CHL1: variants seen among roughly 807,000 people sequenced by gnomAD.
CHL1 encodes the protein cell adhesion molecule L1 like.
CHL1 carries 96 observed loss-of-function variants against 141.9 expected under a neutral mutation model. The observed-to-expected ratio is 0.68, with a 90% confidence interval of 0.57 to 0.80. The LOEUF is 0.80. Ranked by LOEUF, CHL1 falls within the 30% of genes least tolerant of loss-of-function variation. The pLI, the probability that CHL1 is intolerant of heterozygous loss-of-function variation, is 0.00. For missense variants in CHL1, 1,820 were observed against 1,457.2 expected (o/e 1.25, Z -4.05); for synonymous variants, 613 against 502.2 (o/e 1.22, Z -2.95).
At chr3:316,268 T>C (rs1306778406) in intron 2 of CHL1, among the ~76,000 whole-genome samples, 1 of 151,994 alleles carries the variant, frequency 6.6e-6, no homozygotes, top group Non-Finnish European at 1.5e-5. Context: ...GGGGCTGCAT[T>C]TCATTGAAAA....
chr3:328,544 TA>T, intron 5 of CHL1, 190 bp downstream of exon 5: 1 of 453,930 alleles, frequency 2.2e-6, no homozygotes, highest in Non-Finnish European at 3.9e-6. Context: ...GAAAACAACA[TA>T]ATTTGACTCT....
At chr3:369,880 G>T (rs1705402932) in intron 15 of CHL1, among the ~76,000 whole-genome samples, 3 of 152,180 alleles carry the variant, frequency 2.0e-5, no homozygotes, top group South Asian at 4.1e-4. Flanking sequence ...CTTTGGTTCT[G>T]TTTATGTGAT....
intron 2 of CHL1, among the ~76,000 whole-genome samples, chr3:292,648 G>A (rs943547212): frequency 1.3e-5 from 2 of 152,172 alleles, no homozygotes; most frequent in African/African-American, 4.8e-5. Context: ...AAGAAAAGAG[G>A]TTAGTTGGCT....
At chr3:399,677 G>A (rs960365870) in intron 26 of CHL1, among the ~76,000 whole-genome samples, 1 of 152,064 alleles carries the variant, frequency 6.6e-6, no homozygotes, top group Admixed American at 6.6e-5. Flanking sequence ...CTCTAACAAG[G>A]TTGATAACAC....
chr3:342,578 C>T (rs114911084), intron 7 of CHL1, among the ~76,000 whole-genome samples: 227 of 152,196 alleles, frequency 1.5e-3, no homozygotes, highest in African/African-American at 4.9e-3. Flanking sequence ...GAGGAAGAAC[C>T]GTAAGATTCA....
chr3:312,706 C>T (rs1293384953), intron 2 of CHL1, among the ~76,000 whole-genome samples: 2 of 152,138 alleles, frequency 1.3e-5, no homozygotes, highest in Admixed American at 6.6e-5. Context: ...ACATCCACTC[C>T]ATCATGAAAA....
In CHL1 at chr3:363,422, A is replaced by G. The variant is rs373254077; in HGVS notation, c.1585+39A>G. The G allele has an allele frequency of 1.8e-3, 2,854 of 1,558,120 alleles. 62 individuals carry two copies. In the South Asian group the frequency reaches 0.031, roughly 17 times the overall value. ...ACTGTTACTTTGCATGAATTGTCAC[A>G]TGGGTTCAGTCTGTCTTCATTTGCC... On this transcript the variant is annotated intron_variant, in intron 14 of 27. Transcript: ENST00000256509.
chr3:337,490 A>G (rs569319423), intron 5 of CHL1, among the ~76,000 whole-genome samples: 21 of 151,974 alleles, frequency 1.4e-4, no homozygotes, highest in African/African-American at 3.9e-4. Flanking sequence ...TACATTAGGT[A>G]TGTCTCCCAA....
chr3:319,336 A>G (rs780768776), intron 2 of CHL1, among the ~76,000 whole-genome samples: 2 of 151,738 alleles, frequency 1.3e-5, no homozygotes, highest in African/African-American at 4.8e-5. Flanking sequence ...CAATTTACCT[A>G]TGTAACAAAC....
intron 18 of CHL1, among the ~76,000 whole-genome samples, chr3:383,229 A>G (rs1203246947): frequency 6.6e-6 from 1 of 152,164 alleles, no homozygotes. Context: ...TTATAACTGG[A>G]TCAGATAGAA....
intron 3 of CHL1, among the ~76,000 whole-genome samples, chr3:322,773 G>C (rs1421688142): frequency 1.3e-5 from 2 of 149,920 alleles, no homozygotes; most frequent in Non-Finnish European, 3.0e-5. Context: ...GAGCCCAGGA[G>C]GTTGAGGCTG....
chr3:407,432 G>A lies in CHL1; in HGVS notation c.*1721G>A, dbSNP rs1051526813. 1 of 152,116 alleles carries A rather than the reference G, an allele frequency of 6.6e-6. No individual in the cohort carries two copies. The highest frequency in any genetic ancestry group is 2.4e-5 in the African/African-American group (1 of 41,430). 9.4% of individuals were successfully genotyped at this position (152,116 alleles called of 1,614,324 possible). ...GGAAAAGCATGTCTTATTTAAAACT[G>A]TAATTTATGGGCTCAGGATCTGACC... On this transcript the variant is annotated 3_prime_UTR_variant, in exon 28 of 28. Transcript: ENST00000256509.
At chr3:229,431 C>T (rs964236185) in intron 1 of CHL1, among the ~76,000 whole-genome samples, 1 of 152,104 alleles carries the variant, frequency 6.6e-6, no homozygotes, top group Non-Finnish European at 1.5e-5. Context: ...GCAGCCACTC[C>T]AGGTATGCGA....
At chr3:393,488 C>T (rs569112586) in intron 23 of CHL1, among the ~76,000 whole-genome samples, 10 of 152,066 alleles carry the variant, frequency 6.6e-5, no homozygotes, top group African/African-American at 2.4e-4. Flanking sequence ...TATTTAAAAA[C>T]AAGTTCTTAG....
At chr3:232,235 TC>T (rs1701928895) in intron 1 of CHL1, among the ~76,000 whole-genome samples, 1 of 152,194 alleles carries the variant, frequency 6.6e-6, no homozygotes, top group African/African-American at 2.4e-5. Context: ...ATTAATTTGG[TC>T]TTTTGAGTGA....
At chr3:379,251 T>G (rs367783009) in intron 16 of CHL1, among the ~76,000 whole-genome samples, 65 of 152,190 alleles carry the variant, frequency 4.3e-4, no homozygotes, top group African/African-American at 1.5e-3. Context: ...CCAACCTGTC[T>G]CGGGCGAAAC....
chr3:223,304 A>C (rs1168891157), intron 1 of CHL1, among the ~76,000 whole-genome samples: 1 of 152,196 alleles, frequency 6.6e-6, no homozygotes, highest in Non-Finnish European at 1.5e-5. Context: ...TAGGAATACA[A>C]ATTTGCACTA....
At chr3:223,639 G>C (rs1479083582) in intron 1 of CHL1, among the ~76,000 whole-genome samples, 1 of 152,210 alleles carries the variant, frequency 6.6e-6, no homozygotes, top group Admixed American at 6.5e-5. Flanking sequence ...CCACTGCATG[G>C]ATAGGGCAAA....
intron 2 of CHL1, among the ~76,000 whole-genome samples, chr3:275,654 CT>C (rs951517892): frequency 9.9e-5 from 15 of 152,080 alleles, no homozygotes; most frequent in African/African-American, 3.1e-4. Context: ...CATGTTTGGC[CT>C]TTTTTCCAAG....
Sources: gnomAD v4.1 joint callset for allele counts (sites outside exome capture counted in the v4.1 genomes callset) on GRCh38, gnomAD v4.1.1 for gene constraint, MANE v1.5 for transcripts, NCBI Gene and HGNC (gene_info 2026-07-23, HGNC 2026-07-21) for gene names.